Variants in ITFG1 observed in about 807,000 individuals in gnomAD.
ITFG1 encodes T-cell immunomodulatory protein.
Under a neutral mutation model 81.8 loss-of-function variants are expected in ITFG1, and 34 were observed. The observed-to-expected ratio is 0.42, with a 90% CI of 0.32 to 0.55. ITFG1 has a LOEUF of 0.55. ITFG1 is among the 20% of genes least tolerant of loss of function. The pLI is 0.17. For missense variants in ITFG1, 672 were observed against 755.4 expected, an observed-to-expected ratio of 0.89 and a Z score of 1.29; for synonymous variants, 285 against 270.6, an observed-to-expected ratio of 1.05 and a Z score of -0.52.
At chr16:47,416,432 A>G (rs2151604909) in intron 6 of ITFG1, among the ~76,000 whole-genome samples, 1 of 152,328 alleles carries the variant, frequency 6.6e-6, no homozygotes, top group Non-Finnish European at 1.5e-5. Flanking sequence ...CTTTATATTA[A>G]GAATTTCAGC....
At chr16:47,409,670 G>A (rs1288764252) in intron 6 of ITFG1, among the ~76,000 whole-genome samples, 1 of 150,518 alleles carries the variant, frequency 6.6e-6, no homozygotes, top group Non-Finnish European at 1.5e-5. Flanking sequence ...ACCCGCCTCG[G>A]CCTCCCAAAG....
chr16:47,406,336 T>C (rs1968728764), intron 6 of ITFG1, among the ~76,000 whole-genome samples: 1 of 152,246 alleles, frequency 6.6e-6, no homozygotes, highest in African/African-American at 2.4e-5. Flanking sequence ...TATCTAAGCA[T>C]TGTATGTATT....
At chr16:47,318,533 A>G (rs1340782014) in intron 8 of ITFG1, among the ~76,000 whole-genome samples, 1 of 152,126 alleles carries the variant, frequency 6.6e-6, no homozygotes, top group African/African-American at 2.4e-5. Flanking sequence ...TTGTTACATT[A>G]AATTAAAATT....
At chr16:47,358,791 A>G (rs765316831) in intron 8 of ITFG1, among the ~76,000 whole-genome samples, 1 of 152,146 alleles carries the variant, frequency 6.6e-6, no homozygotes, top group Non-Finnish European at 1.5e-5. Context: ...AATATTATTC[A>G]TTAGTATTTA....
intron 8 of ITFG1, among the ~76,000 whole-genome samples, chr16:47,349,019 T>C (rs1158721841): frequency 6.6e-6 from 1 of 152,154 alleles, no homozygotes; most frequent in Non-Finnish European, 1.5e-5. Context: ...CTGAGAGATT[T>C]TGTCACCACC....
At chr16:47,300,773 T>C (rs1179227545) in intron 10 of ITFG1, among the ~76,000 whole-genome samples, 1 of 152,258 alleles carries the variant, frequency 6.6e-6, no homozygotes, top group Non-Finnish European at 1.5e-5. Flanking sequence ...ATGTTAGTGC[T>C]GGTAGCGAGT....
At chr16:47,195,868 C>T (rs530767769) in intron 14 of ITFG1, among the ~76,000 whole-genome samples, 5 of 152,246 alleles carry the variant, frequency 3.3e-5, no homozygotes, top group Admixed American at 2.6e-4. Flanking sequence ...TCCCTCCCCT[C>T]ACCCTGCACC....
At chr16:47,175,028 C>A (rs540559618) in intron 14 of ITFG1, among the ~76,000 whole-genome samples, 2 of 152,152 alleles carry the variant, frequency 1.3e-5, no homozygotes, top group African/African-American at 2.4e-5. Flanking sequence ...GTAACAATAT[C>A]TGAAACAGTC....
At chr16:47,457,107 C>T (rs1030931747) in intron 2 of ITFG1, among the ~76,000 whole-genome samples, 5 of 152,000 alleles carry the variant, frequency 3.3e-5, no homozygotes, top group Non-Finnish European at 7.4e-5. Flanking sequence ...GTCGGGAGCT[C>T]GAGACCAGCC....
chr16:47,458,092 A>G (rs1259365013), intron 2 of ITFG1, among the ~76,000 whole-genome samples: 2 of 152,372 alleles, frequency 1.3e-5, no homozygotes, highest in Admixed American at 1.3e-4. Context: ...TTCATTCTGC[A>G]TATAGTTTAC....
intron 6 of ITFG1, among the ~76,000 whole-genome samples, chr16:47,419,877 A>T (rs755880278): frequency 7.9e-5 from 12 of 151,738 alleles, no homozygotes; most frequent in Middle Eastern, 3.2e-3. Context: ...TGCTGGGATT[A>T]TAAGTGTGAG....
intron 12 of ITFG1, among the ~76,000 whole-genome samples, chr16:47,247,722 A>G (rs1402794249): frequency 2.0e-5 from 3 of 151,466 alleles, no homozygotes; most frequent in Admixed American, 6.6e-5. Context: ...GTTTTTATAA[A>G]CCTTATAAAT....
At chr16:47,245,015 G>A (rs1965983701) in intron 12 of ITFG1, among the ~76,000 whole-genome samples, 1 of 152,124 alleles carries the variant, frequency 6.6e-6, no homozygotes, top group African/African-American at 2.4e-5. Flanking sequence ...TGTTATGGAA[G>A]CCTGAGCAGA....
In ITFG1 at chr16:47,320,835, G is replaced by T. The variant is rs979297159; in HGVS notation, c.803-7012C>A. On this transcript the variant is annotated intron_variant, in intron 8 of 17. Coordinates refer to ENST00000320640, the MANE Select transcript of ITFG1 (RefSeq NM_030790.5). ...GGCATTAACTCCTGGAAGGACAGAA[G>T]TACTTTTTCTTCAGGGTTCTCACTT... Among the ~76,000 whole-genome samples, 3 of 152,294 alleles carry T rather than the reference G, an allele frequency of 2.0e-5. No homozygotes were observed. The South Asian group carries it at 6.2e-4, about 32-fold the overall frequency.
intron 14 of ITFG1, among the ~76,000 whole-genome samples, chr16:47,186,569 G>A (rs1596794375): frequency 6.6e-6 from 1 of 152,162 alleles, no homozygotes; most frequent in African/African-American, 2.4e-5. Context: ...AGCCCTTCAT[G>A]CTAAAAACTC....
chr16:47,264,164 T>C (rs942496188), intron 10 of ITFG1, among the ~76,000 whole-genome samples: 6 of 152,182 alleles, frequency 3.9e-5, no homozygotes, highest in African/African-American at 1.4e-4. Context: ...TTTCCAGGAA[T>C]AATCAATGTT....
intron 10 of ITFG1, among the ~76,000 whole-genome samples, chr16:47,288,844 C>A (rs912386971): frequency 3.9e-5 from 6 of 152,072 alleles, no homozygotes; most frequent in African/African-American, 1.4e-4. Context: ...TGCAGCGAGT[C>A]GAGATTGCAC....
At chr16:47,269,281 T>G (rs969571853) in intron 10 of ITFG1, among the ~76,000 whole-genome samples, 21 of 151,868 alleles carry the variant, frequency 1.4e-4, no homozygotes, top group African/African-American at 5.1e-4. Flanking sequence ...TAGGAAAAAA[T>G]TACTAGAACC....
intron 6 of ITFG1, among the ~76,000 whole-genome samples, chr16:47,385,036 T>C (rs1390550623): frequency 2.6e-5 from 4 of 152,248 alleles, no homozygotes; most frequent in East Asian, 1.9e-4. Context: ...AGGTACTCTC[T>C]TGTTGGACGA....
Sources: gnomAD v4.1 joint callset for allele counts (sites outside exome capture counted in the v4.1 genomes callset) on GRCh38, gnomAD v4.1.1 for gene constraint, MANE v1.5 for transcripts, NCBI Gene and HGNC (gene_info 2026-07-23, HGNC 2026-07-21) for gene names.